RBFOX1: variants seen among roughly 807,000 people sequenced by gnomAD.
RBFOX1 encodes RNA binding fox-1 homolog 1, also known as RNA binding protein fox-1 homolog 1.
In RBFOX1, 8 loss-of-function variants were observed where a neutral mutation model predicts 57.7. The observed-to-expected ratio is 0.14, with a 90% CI of 0.08 to 0.25. The LOEUF (loss-of-function observed/expected upper bound fraction) is 0.25, where lower values mean the gene tolerates loss of function less well. RBFOX1 is among the 10% of genes least tolerant of loss of function. RBFOX1 has a pLI of 1.00. For missense variants in RBFOX1, 611 were observed against 548.5 expected, an observed-to-expected ratio of 1.11 and a Z score of -1.14; for synonymous variants, 326 against 222.4, an observed-to-expected ratio of 1.47 and a Z score of -4.15.
At chr16:7,039,143 G>C (rs549522375) in intron 3 of RBFOX1, among the ~76,000 whole-genome samples, 11 of 152,176 alleles carry the variant, frequency 7.2e-5, no homozygotes, top group Non-Finnish European at 1.0e-4. Context: ...GAGATTTTAG[G>C]ATATGCTCCA....
intron 4 of RBFOX1, among the ~76,000 whole-genome samples, chr16:7,140,161 T>TCC (rs1333687142): frequency 9.6e-6 from 1 of 104,210 alleles, no homozygotes; most frequent in Non-Finnish European, 1.9e-5. Context: ...TCTCTCCCTC[T>TCC]CTCTCTCTCT....
chr16:7,624,773 G>A (rs183004494), intron 10 of RBFOX1, among the ~76,000 whole-genome samples: 5 of 152,276 alleles, frequency 3.3e-5, no homozygotes, highest in Admixed American at 3.3e-4. Flanking sequence ...GACATCAGTG[G>A]AGAGTTCTAT....
chr16:6,462,176 A>T lies in RBFOX1; in HGVS notation c.-64+145119A>T, dbSNP rs116473847. On this transcript the variant is annotated intron_variant, in intron 2 of 15. Transcript: ENST00000550418. The stretch of plus-strand genomic sequence containing the variant: ...GGTTTTGGAACCGTTAACCCAACAC[A>T]GAACTCTTTAGAGTTAATGTGTGGC... Among the ~76,000 whole-genome samples, 688 of 152,312 alleles carry T rather than the reference A, an allele frequency of 4.5e-3. 5 individuals are homozygous for T. Among genetic ancestry groups the T allele is most frequent in the African/African-American group, 0.016 (666 of 41,570 alleles).
intron 4 of RBFOX1, among the ~76,000 whole-genome samples, chr16:5,967,437 A>T (rs2059868837): frequency 6.6e-6 from 1 of 152,084 alleles, no homozygotes. Flanking sequence ...GGAATCAGTA[A>T]TTTCTCCAAG....
intron 2 of RBFOX1, among the ~76,000 whole-genome samples, chr16:6,518,607 G>A (rs1366525915): frequency 6.6e-6 from 1 of 152,138 alleles, no homozygotes; most frequent in African/African-American, 2.4e-5. Context: ...ACCACTTACT[G>A]CCTCCAGCTC....
chr16:6,133,084 C>T (rs531179273), intron 1 of RBFOX1, among the ~76,000 whole-genome samples: 16 of 149,854 alleles, frequency 1.1e-4, no homozygotes, highest in East Asian at 3.9e-4. Flanking sequence ...GCAAGTTATT[C>T]GTCTCCATGT....
chr16:6,850,187 A>G (rs191408853), intron 3 of RBFOX1, among the ~76,000 whole-genome samples: 2 of 152,286 alleles, frequency 1.3e-5, no homozygotes, highest in African/African-American at 4.8e-5. Context: ...TCATTCAGTG[A>G]ATTCAGTTGT....
At chr16:7,385,999 C>A (rs1406694869) in intron 4 of RBFOX1, among the ~76,000 whole-genome samples, 1 of 150,484 alleles carries the variant, frequency 6.6e-6, no homozygotes, top group African/African-American at 2.4e-5. Context: ...CCATGTTGGC[C>A]AGGCTGGTCT....
rs1372932457 is a variant in RBFOX1, at chr16:5,900,014, G to T, written c.351+32679G>T. On this transcript the variant is annotated intron_variant, in intron 4 of 19. Transcript: ENST00000641259. Reference sequence around the variant, plus strand: ...GATTGCTTGAACCCAGGAACTGGAGGTTGCAGTGAGCCGAGATTGTGCCAC... The same window carrying T: ...GATTGCTTGAACCCAGGAACTGGAGTTTGCAGTGAGCCGAGATTGTGCCAC... Among the ~76,000 whole-genome samples the T allele has an allele frequency of 2.0e-5, 3 of 152,160 alleles. No individual in the cohort carries two copies. The East Asian group carries it at 5.8e-4, about 29-fold the overall frequency.
At chr16:7,281,414 C>T (rs1300159217) in intron 4 of RBFOX1, among the ~76,000 whole-genome samples, 1 of 151,968 alleles carries the variant, frequency 6.6e-6, no homozygotes, top group Non-Finnish European at 1.5e-5. Context: ...TTGTGCAAAA[C>T]ACTTGCCTGC....
chr16:7,005,494 TG>T (rs2093217614), intron 3 of RBFOX1, among the ~76,000 whole-genome samples: 1 of 152,202 alleles, frequency 6.6e-6, no homozygotes, highest in Non-Finnish European at 1.5e-5. Context: ...AACCCAGTAA[TG>T]GCAGGTGAAC....
chr16:6,252,787 T>C (rs1359726373), intron 1 of RBFOX1, among the ~76,000 whole-genome samples: 1 of 152,172 alleles, frequency 6.6e-6, no homozygotes, highest in African/African-American at 2.4e-5. Context: ...AAATTCTGCG[T>C]AGGGAATTAG....
chr16:7,314,724 T>A (rs2096398592), intron 4 of RBFOX1, among the ~76,000 whole-genome samples: 1 of 152,136 alleles, frequency 6.6e-6, no homozygotes, highest in South Asian at 2.1e-4. Flanking sequence ...TTCTATATCA[T>A]CAAAAACAAC....
At chr16:5,340,514 T>C (rs1490884191) in intron 1 of RBFOX1, among the ~76,000 whole-genome samples, 1 of 152,116 alleles carries the variant, frequency 6.6e-6, no homozygotes, top group Non-Finnish European at 1.5e-5. Context: ...ATTCCTGAAG[T>C]AGGAGGAGAG....
rs183207715 is a variant in RBFOX1 at position 7,329,524 on chromosome 16, C to T, written c.28-188623C>T. On this transcript the variant is annotated intron_variant, in intron 4 of 15. Coordinates refer to ENST00000550418, the MANE Select transcript of RBFOX1 (RefSeq NM_018723.4). ...TGCTTCCCATTTGGGAGAGCAGAAC[C>T]TATGTTAAGAAAAAGAGGTTTTGTT... Among the ~76,000 whole-genome samples the T allele has an allele frequency of 7.9e-5, 12 of 152,224 alleles. No homozygotes were observed. In the East Asian group the frequency reaches 1.5e-3, roughly 20 times the overall value.
At chr16:7,085,093 A>G (rs956491320) in intron 4 of RBFOX1, among the ~76,000 whole-genome samples, 1 of 141,704 alleles carries the variant, frequency 7.1e-6, no homozygotes, top group African/African-American at 3.2e-5. Context: ...CGCCGTATCT[A>G]AAGTTGTGTG....
At chr16:7,255,404 G>A (rs2094637522) in intron 4 of RBFOX1, among the ~76,000 whole-genome samples, 1 of 152,108 alleles carries the variant, frequency 6.6e-6, no homozygotes, top group South Asian at 2.1e-4. Flanking sequence ...CCACTGATAG[G>A]GGATTGGTTT....
At chr16:5,532,890 C>G (rs2044544294) in intron 2 of RBFOX1, among the ~76,000 whole-genome samples, 1 of 152,086 alleles carries the variant, frequency 6.6e-6, no homozygotes, top group Non-Finnish European at 1.5e-5. Context: ...TGCCTGGAGA[C>G]CCTGATGGAG....
intron 3 of RBFOX1, among the ~76,000 whole-genome samples, chr16:5,792,548 A>G (rs928617540): frequency 3.5e-4 from 54 of 152,248 alleles, no homozygotes; most frequent in African/African-American, 1.2e-3. Flanking sequence ...GGCATTAAGA[A>G]TATCATAAAT....
Sources: allele counts gnomAD v4.1 joint callset (sites outside exome capture counted in the v4.1 genomes callset), GRCh38; gene constraint gnomAD v4.1.1; transcripts MANE v1.5; gene names NCBI Gene and HGNC (gene_info 2026-07-23, HGNC 2026-07-21).